IGF2BP3: variants seen among roughly 807,000 people sequenced by gnomAD.
IGF2BP3 encodes insulin like growth factor 2 mRNA binding protein 3, also known as insulin-like growth factor 2 mRNA-binding protein 3.
A neutral mutation model predicts 73.8 loss-of-function variants in IGF2BP3; 9 were observed. The observed-to-expected ratio is 0.12, with a 90% CI of 0.07 to 0.21. IGF2BP3 has a LOEUF of 0.21. Among genes scored for constraint, IGF2BP3 ranks in the 10% least tolerant of loss-of-function variants. IGF2BP3 has a pLI of 1.00. For synonymous variants in IGF2BP3, 258 were observed against 256.7 expected, an observed-to-expected ratio of 1.01 and a Z score of -0.05; for missense variants, 542 against 714.0, an observed-to-expected ratio of 0.76 and a Z score of 2.75.
At chr7:23,317,735 G>A (rs1458919336) in intron 11 of IGF2BP3, 22 bp from the exon 12 acceptor site, 3 of 1,598,964 alleles carry the variant, frequency 1.9e-6, no homozygotes, top group South Asian at 2.2e-5. Context: ...CCAACAACAA[G>A]TTATGATACT....
At position 23,311,543 on chromosome 7, in the gene IGF2BP3, T is replaced by C. The variant is rs543651199; in HGVS notation, c.*819A>G. ...AATGGTAGTGCTGCTCTCCAGATAC[T>C]AGGCACTGCTCCGTATTTTTGAACA... On this transcript the variant is annotated 3_prime_UTR_variant, in exon 15 of 15. Coordinates refer to ENST00000258729, the MANE Select transcript of IGF2BP3 (RefSeq NM_006547.3). 2.6e-5 allele frequency: 4 copies of C among 152,440 alleles called. No homozygotes were observed. In the East Asian group the frequency reaches 7.7e-4, roughly 29 times the overall value. 9.4% of individuals were successfully genotyped at this position (152,440 alleles called of 1,614,324 possible). A position where few individuals can be genotyped will look rare whatever the true frequency, so the allele number is the denominator to read the frequency against.
intron 3 of IGF2BP3, among the ~76,000 whole-genome samples, chr7:23,384,918 C>T (rs527756177): frequency 9.2e-4 from 140 of 151,866 alleles, no homozygotes; most frequent in Non-Finnish European, 1.5e-3. Flanking sequence ...CAAAAATATC[C>T]TACCTGGTAG....
chr7:23,343,849 G>C lies in IGF2BP3; in HGVS notation c.946C>G (p.Gln316Glu). The change falls in exon 9 of 15, where the codon CAG becomes GAG. Residue 316 changes from glutamine to glutamate, a missense_variant. Physicochemically the swap from Gln to Glu is conservative, Grantham distance 29. Around this residue, in one of 2 missense-constraint regions of IGF2BP3, gnomAD observed 303 missense variants for 472.1 expected, o/e 0.64. Transcript: ENST00000258729. ...TDTKITISPL[Q>E]ELTLYNPERT... Reference sequence around the variant, plus strand: ...TCTGGATTATACAGCGTCAATTCCTGCAATCTGCAGAATGAAAAAGAAGGG... The same window carrying C: ...TCTGGATTATACAGCGTCAATTCCTCCAATCTGCAGAATGAAAAAGAAGGG... 1 of 1,609,120 alleles carries C rather than the reference G, an allele frequency of 6.2e-7. No homozygotes were observed. The highest frequency in any genetic ancestry group is 8.5e-7 in the Non-Finnish European group (1 of 1,178,778).
At chr7:23,456,267 CATT>C (rs1788314938) in intron 2 of IGF2BP3, among the ~76,000 whole-genome samples, 1 of 151,448 alleles carries the variant, frequency 6.6e-6, no homozygotes, top group African/African-American at 2.4e-5. Flanking sequence ...TTTCAACCAG[CATT>C]TTTTTTGTTG....
intron 2 of IGF2BP3, among the ~76,000 whole-genome samples, chr7:23,441,371 G>A (rs1307696433): frequency 1.3e-5 from 2 of 151,936 alleles, no homozygotes. Flanking sequence ...TCAAGAGATC[G>A]AGACCATCCT....
intron 3 of IGF2BP3, among the ~76,000 whole-genome samples, chr7:23,399,391 A>G (rs1289871519): frequency 1.3e-5 from 2 of 148,828 alleles, no homozygotes; most frequent in African/African-American, 2.5e-5. Flanking sequence ...AAGTATAATA[A>G]TAATAAAATT....
Position 23,343,646 on chromosome 7 carries a change from T to C in IGF2BP3, c.1077+72A>G, listed in dbSNP as rs918920467. On this transcript the variant is annotated intron_variant, in intron 9 of 14. Transcript: ENST00000258729. The stretch of plus-strand genomic sequence containing the variant: ...GTGATAATGCCACAAAAGAATTCAA[T>C]ATTAATGCAGTTAAAAACATTGTTT... 3 of 1,407,946 alleles carry C rather than the reference T, an allele frequency of 2.1e-6. No homozygotes were observed. In the African/African-American group the frequency reaches 4.2e-5, roughly 20 times the overall value. The allele number at this position is 1,407,946 out of a possible 1,614,324, so 87.2% of individuals were successfully genotyped here. A position where few individuals can be genotyped will look rare whatever the true frequency, so the allele number is the denominator to read the frequency against.
chr7:23,427,635 G>C (rs1008198222), intron 2 of IGF2BP3, among the ~76,000 whole-genome samples: 6 of 152,272 alleles, frequency 3.9e-5, no homozygotes, highest in African/African-American at 1.4e-4. Context: ...ACTTTGGAAG[G>C]CGGAGGTGGG....
chr7:23,380,207 A>C (rs1188611970), intron 3 of IGF2BP3, among the ~76,000 whole-genome samples: 1 of 118,276 alleles, frequency 8.5e-6, no homozygotes, highest in Non-Finnish European at 1.6e-5. Context: ...TCTGTTGCCC[A>C]GGCTGGAGAG....
intron 2 of IGF2BP3, among the ~76,000 whole-genome samples, chr7:23,443,730 C>T (rs964211131): frequency 6.6e-6 from 1 of 151,984 alleles, no homozygotes; most frequent in African/African-American, 2.4e-5. Context: ...ATTTTCTGGG[C>T]TGGGCACAGT....
intron 3 of IGF2BP3, among the ~76,000 whole-genome samples, chr7:23,390,135 C>T (rs1389767486): frequency 6.6e-6 from 1 of 152,044 alleles, no homozygotes; most frequent in East Asian, 1.9e-4. Context: ...AATGTCTTGT[C>T]CATTAGTGGG....
intron 8 of IGF2BP3, among the ~76,000 whole-genome samples, chr7:23,344,914 T>C (rs1446419870): frequency 1.3e-5 from 2 of 152,246 alleles, no homozygotes; most frequent in South Asian, 2.1e-4. Flanking sequence ...TGTATTACAG[T>C]TTTAAAAATA....
At chr7:23,390,362 G>A (rs1786233167) in intron 3 of IGF2BP3, among the ~76,000 whole-genome samples, 2 of 151,936 alleles carry the variant, frequency 1.3e-5, no homozygotes, top group African/African-American at 4.8e-5. Flanking sequence ...TTCTTTAACT[G>A]AGGCTTCTGA....
At chr7:23,434,324 G>T (rs1787758679) in intron 2 of IGF2BP3, among the ~76,000 whole-genome samples, 1 of 152,100 alleles carries the variant, frequency 6.6e-6, no homozygotes, top group Non-Finnish European at 1.5e-5. Flanking sequence ...TTGTTCGTGG[G>T]AAAGTTGCAG....
intron 10 of IGF2BP3, among the ~76,000 whole-genome samples, chr7:23,329,914 A>T (rs2128496878): frequency 6.6e-6 from 1 of 152,334 alleles, no homozygotes; most frequent in Non-Finnish European, 1.5e-5. Flanking sequence ...CCACGATTCA[A>T]ACCTGGGTTT....
intron 6 of IGF2BP3, among the ~76,000 whole-genome samples, chr7:23,350,438 G>A (rs927465312): frequency 3.7e-4 from 57 of 152,172 alleles, no homozygotes; most frequent in Non-Finnish European, 1.5e-5. Context: ...GTAGTAACAG[G>A]ATGTGCCTCG....
chr7:23,329,441 G>A (rs529112818), intron 10 of IGF2BP3, among the ~76,000 whole-genome samples: 1 of 152,112 alleles, frequency 6.6e-6, no homozygotes, highest in Non-Finnish European at 1.5e-5. Context: ...TTTGTGCCCT[G>A]TTTGAATACC....
At chr7:23,322,109 A>C (rs1397035641) in intron 10 of IGF2BP3, among the ~76,000 whole-genome samples, 1 of 152,186 alleles carries the variant, frequency 6.6e-6, no homozygotes, top group Non-Finnish European at 1.5e-5. Flanking sequence ...GGCTTCAGAC[A>C]ATCCAATTAC....
chr7:23,311,567 C>T lies in IGF2BP3; in HGVS notation c.*795G>A, dbSNP rs1562661346. 1 of 152,292 alleles carries T rather than the reference C, an allele frequency of 6.6e-6. No homozygotes were observed. Among genetic ancestry groups the T allele is most frequent in the East Asian group, 1.9e-4 (1 of 5,204 alleles). The allele number at this position is 152,292 out of a possible 1,614,324, so 9.4% of individuals were successfully genotyped here. A position where few individuals can be genotyped will look rare whatever the true frequency, so the allele number is the denominator to read the frequency against. On this transcript the variant is annotated 3_prime_UTR_variant, in exon 15 of 15. Coordinates refer to ENST00000258729, the MANE Select transcript of IGF2BP3 (RefSeq NM_006547.3). ...CTAGGCACTGCTCCGTATTTTTGAA[C>T]ATTTGATTTAACTAATAACTGTGTC...
Sources: gnomAD v4.1 joint callset for allele counts (sites outside exome capture counted in the v4.1 genomes callset) on GRCh38, gnomAD v4.1.1 for gene constraint, gnomAD v4.1.1 regional missense constraint, MANE v1.5 for transcripts, NCBI Gene and HGNC (gene_info 2026-07-23, HGNC 2026-07-21) for gene names.